Variants in CDH13 observed in about 807,000 individuals in gnomAD.
The protein encoded by CDH13 is cadherin-13.
Under a neutral mutation model 63.8 loss-of-function variants are expected in CDH13, and 24 were observed. The ratio of observed to expected loss-of-function variants is 0.38; its 90% CI spans 0.27 to 0.53. The LOEUF is 0.53. Among genes scored for constraint, CDH13 ranks in the 20% least tolerant of loss-of-function variants. The probability of loss-of-function intolerance (pLI) is 0.85; values close to 1 mark genes in which losing one functional copy is unlikely to be tolerated. For synonymous variants in CDH13, 503 were observed against 355.3 expected, an observed-to-expected ratio of 1.42 and a Z score of -4.67; for missense variants, 1,049 against 903.1, an observed-to-expected ratio of 1.16 and a Z score of -2.07.
chr16:83,137,680 C>G (rs1702679236), intron 4 of CDH13, among the ~76,000 whole-genome samples: 1 of 152,104 alleles, frequency 6.6e-6, no homozygotes, highest in Non-Finnish European at 1.5e-5. Context: ...GCCCGTTTTT[C>G]TCAGTGATGA....
At chr16:83,449,720 G>C (rs1358263205) in intron 6 of CDH13, among the ~76,000 whole-genome samples, 1 of 152,156 alleles carries the variant, frequency 6.6e-6, no homozygotes, top group Non-Finnish European at 1.5e-5. Flanking sequence ...TCCCTGTTCT[G>C]CAACTTGCCT....
intron 2 of CDH13, among the ~76,000 whole-genome samples, chr16:82,906,464 C>T (rs2041650815): frequency 6.6e-6 from 1 of 152,092 alleles, no homozygotes; most frequent in Admixed American, 6.6e-5. Flanking sequence ...ACTTCCATGT[C>T]CTAAAAGAAT....
intron 7 of CDH13, among the ~76,000 whole-genome samples, chr16:83,529,908 A>G (rs1442566923): frequency 6.6e-6 from 1 of 152,196 alleles, no homozygotes; most frequent in Non-Finnish European, 1.5e-5. Context: ...TATTAAAATC[A>G]CTTATAAAGG....
rs2092019993 is a variant in CDH13 at position 83,404,933 on chromosome 16, G to T, written c.781+59927G>T. Among the ~76,000 whole-genome samples the T allele has an allele frequency of 1.3e-5, 2 of 152,150 alleles. 1 individual carries two copies. The highest frequency in any genetic ancestry group is 4.1e-4 in the South Asian group (2 of 4,832). The stretch of plus-strand genomic sequence containing the variant: ...CATAATCCTCAAAAACATTCGTTAG[G>T]TTGTGTTGATAACATAGAAATGTCT... On this transcript the variant is annotated intron_variant, in intron 6 of 13. Transcript: ENST00000567109.
intron 4 of CDH13, among the ~76,000 whole-genome samples, chr16:83,153,907 G>C (rs1004416755): frequency 4.6e-5 from 7 of 152,194 alleles, no homozygotes; most frequent in Admixed American, 6.5e-5. Context: ...CTGGAGGTGA[G>C]AGATGGGCAG....
At chr16:83,534,486 C>T (rs1030435025) in intron 7 of CDH13, among the ~76,000 whole-genome samples, 1 of 152,214 alleles carries the variant, frequency 6.6e-6, no homozygotes, top group Non-Finnish European at 1.5e-5. Context: ...TCAAATGTTA[C>T]AACCACTACC....
intron 6 of CDH13, among the ~76,000 whole-genome samples, chr16:83,409,811 T>G (rs951922062): frequency 6.6e-6 from 1 of 152,266 alleles, no homozygotes; most frequent in Non-Finnish European, 1.5e-5. Flanking sequence ...GATATTTGAT[T>G]CTTGGGATAT....
intron 1 of CDH13, among the ~76,000 whole-genome samples, chr16:82,785,948 G>T (rs1449897850): frequency 6.6e-6 from 1 of 152,192 alleles, no homozygotes; most frequent in African/African-American, 2.4e-5. Flanking sequence ...CGTGGCCCCT[G>T]CTACTGTGTG....
intron 1 of CDH13, among the ~76,000 whole-genome samples, chr16:82,799,719 C>A (rs1038277844): frequency 6.6e-6 from 1 of 152,090 alleles, no homozygotes; most frequent in Non-Finnish European, 1.5e-5. Context: ...GAGACATTTA[C>A]AAATAGAAAA....
chr16:82,858,637 T>A (rs1173248850), intron 2 of CDH13, 164 bp downstream of exon 2: 26 of 675,302 alleles, frequency 3.9e-5, no homozygotes, highest in Non-Finnish European at 6.8e-5. Flanking sequence ...AATGAGGGCC[T>A]GGCCAACTTA....
intron 1 of CDH13, among the ~76,000 whole-genome samples, chr16:82,759,035 G>A (rs1209024938): frequency 6.6e-6 from 1 of 152,154 alleles, no homozygotes; most frequent in Non-Finnish European, 1.5e-5. Context: ...GGCTTTCTCA[G>A]CATTGGGGGC....
At chr16:83,231,781 T>C (rs956241137) in intron 5 of CDH13, among the ~76,000 whole-genome samples, 2 of 152,106 alleles carry the variant, frequency 1.3e-5, no homozygotes, top group African/African-American at 4.8e-5. Flanking sequence ...GGGTTGGATG[T>C]TTGTCCCCTC....
intron 2 of CDH13, chr16:82,990,414 CTTGT>C (rs1911516819): frequency 6.6e-6 from 1 of 152,186 alleles, no homozygotes; most frequent in Non-Finnish European, 1.5e-5. Context: ...TACAGCCCAT[CTTGT>C]GATGGGCTGG....
intron 5 of CDH13, among the ~76,000 whole-genome samples, chr16:83,244,806 T>G (rs900736188): frequency 2.0e-5 from 3 of 151,952 alleles, no homozygotes; most frequent in African/African-American, 7.3e-5. Flanking sequence ...TGACAACGAG[T>G]ATAAAATGCT....
At chr16:83,031,322 T>C (rs1916305365) in intron 2 of CDH13, among the ~76,000 whole-genome samples, 4 of 139,178 alleles carry the variant, frequency 2.9e-5, no homozygotes, top group Admixed American at 2.1e-4. Context: ...CATAGGCATG[T>C]ATATATATGT....
chr16:83,255,414 G>C (rs1906137849), intron 5 of CDH13, among the ~76,000 whole-genome samples: 1 of 152,132 alleles, frequency 6.6e-6, no homozygotes. Flanking sequence ...ACAGATAAAA[G>C]ACTATTAAGT....
At chr16:82,937,799 T>C (rs1597251117) in intron 2 of CDH13, among the ~76,000 whole-genome samples, 1 of 152,260 alleles carries the variant, frequency 6.6e-6, no homozygotes, top group East Asian at 1.9e-4. Context: ...TCTGATGATT[T>C]GTAGATTTAA....
intron 2 of CDH13, among the ~76,000 whole-genome samples, chr16:83,005,631 T>C (rs754128758): frequency 6.6e-6 from 1 of 152,232 alleles, no homozygotes; most frequent in Non-Finnish European, 1.5e-5. Flanking sequence ...TGTCTCACCA[T>C]TATAGCTTGT....
At chr16:82,840,919 G>C (rs1020576586) in intron 1 of CDH13, among the ~76,000 whole-genome samples, 1 of 152,176 alleles carries the variant, frequency 6.6e-6, no homozygotes, top group Non-Finnish European at 1.5e-5. Flanking sequence ...GGCAAGGTCA[G>C]AAAGTTAGTG....
Sources: gnomAD v4.1 joint callset for allele counts (sites outside exome capture counted in the v4.1 genomes callset) on GRCh38, gnomAD v4.1.1 for gene constraint, MANE v1.5 for transcripts, NCBI Gene and HGNC (gene_info 2026-07-23, HGNC 2026-07-21) for gene names.